The following ACP7 variants were observed in gnomAD, a reference collection of about 807,000 sequenced individuals.
The protein encoded by ACP7 is acid phosphatase type 7.
ACP7 carries 58 observed loss-of-function variants against 60.6 expected under a neutral mutation model. The ratio of observed to expected loss-of-function variants is 0.96; its 90% CI spans 0.77 to 1.19. ACP7 has a LOEUF of 1.19. Among genes scored for constraint, ACP7 ranks in the 50% most tolerant of loss-of-function variants. The pLI is 0.00. For missense variants in ACP7, 574 were observed against 596.2 expected (o/e 0.96, Z 0.39); for synonymous variants, 237 against 232.6 (o/e 1.02, Z -0.17).
intron 4 of ACP7, 126 bp downstream of exon 4, chr19:39,099,268 G>A: frequency 8.9e-7 from 1 of 1,120,304 alleles, no homozygotes; most frequent in Non-Finnish European, 1.2e-6. Flanking sequence ...CAGGGCTGGG[G>A]CCAGTGTGTC....
intron 2 of ACP7, among the ~76,000 whole-genome samples, chr19:39,087,644 T>TG (rs2073158155): frequency 6.6e-6 from 1 of 151,226 alleles, no homozygotes; most frequent in Non-Finnish European, 1.5e-5. Context: ...TTTTTTTTTT[T>TG]TTTTTTTGAG....
At position 39,110,409 on chromosome 19, in the gene ACP7, G is replaced by A. The variant is rs2073457537; in HGVS notation, c.*291G>A. ...CTGCATAGCTCTGATCGGGCGAGGT[G>A]CCCACGGGGCTTCAGGAATGAAGAG... is the stretch of plus-strand genomic sequence containing the variant. On this transcript the variant is annotated 3_prime_UTR_variant, in exon 13 of 13. Transcript: ENST00000331256. 2.7e-6 allele frequency: 1 copy of A among 367,612 alleles called. No homozygotes were observed. Among genetic ancestry groups the A allele is most frequent in the Non-Finnish European group, 5.0e-6 (1 of 201,750 alleles). 22.8% of individuals were successfully genotyped at this position (367,612 alleles called of 1,614,324 possible). A position where few individuals can be genotyped will look rare whatever the true frequency, so the allele number is the denominator to read the frequency against.
In ACP7 at chr19:39,085,319, T is replaced by C. The variant is rs770202422; in HGVS notation, c.50T>C (p.Phe17Ser). The change falls in exon 2 of 13, where the codon TTC (phenylalanine) becomes TCC (serine). Residue 17 changes from phenylalanine to serine, a missense_variant. Coordinates refer to ENST00000331256, the MANE Select transcript of ACP7 (RefSeq NM_001004318.3). ...YWSCYCLLLL[F>S]SLGVQGSLGA... The stretch of plus-strand genomic sequence containing the variant: ...TCCTGTTACTGTCTACTCCTGCTAT[T>C]CTCCTTGGGAGTCCAGGGGTCCCTG... The C allele has an allele frequency of 1.9e-6, 3 of 1,613,730 alleles. No individual in the cohort carries two copies. The highest frequency in any genetic ancestry group is 2.5e-6 in the Non-Finnish European group (3 of 1,179,822).
rs371572855 is a variant in ACP7, at chr19:39,085,437, C to A, written c.121+47C>A. 5 of 1,552,302 alleles carry A rather than the reference C, an allele frequency of 3.2e-6. No homozygotes were observed. In the African/African-American group the frequency reaches 6.9e-5, roughly 21 times the overall value. On this transcript the variant is annotated intron_variant, in intron 2 of 12. Transcript: ENST00000331256. ...CTATGCCTCTACCAGAGAGGCCCAG[C>A]GGTGCTTCGTTGTTTGAGGGCTCAG...
chr19:39,102,276 A>G (rs2073356075), intron 11 of ACP7, among the ~76,000 whole-genome samples: 1 of 152,002 alleles, frequency 6.6e-6, no homozygotes, highest in Non-Finnish European at 1.5e-5. Context: ...TTATGATCGC[A>G]CCAATGCACT....
rs1373808835 is a variant in ACP7, at chr19:39,102,727, C to CTTTCTTTCTTTCTT, written c.1113+1192_1113+1205dup. 3.3e-3 allele frequency among the ~76,000 whole-genome samples: 247 copies of CTTTCTTTCTTTCTT among 75,316 alleles called. 1 individual carries two copies. Among genetic ancestry groups the CTTTCTTTCTTTCTT allele is most frequent in the Admixed American group, 6.2e-3 (43 of 6,956 alleles). 49.4% of individuals were successfully genotyped at this position (75,316 alleles called of 152,430 possible). A position where few individuals can be genotyped will look rare whatever the true frequency, so the allele number is the denominator to read the frequency against. ...TTCCAATGAAGACTTTTCTTTCTTT[C>CTTTCTTTCTTTCTT]TTTCTTTCTTTCTTTCTTTCTTTCT... is the stretch of plus-strand genomic sequence containing the variant. On this transcript the variant is annotated intron_variant, in intron 11 of 12. Transcript: ENST00000331256.
intron 12 of ACP7, 85 bp downstream of exon 12, chr19:39,107,169 G>C: frequency 7.3e-7 from 1 of 1,363,734 alleles, no homozygotes; most frequent in Non-Finnish European, 9.6e-7. Context: ...GGGCTCGGCC[G>C]GGCGCAGTGG....
At chr19:39,091,485 T>C (rs536152159) in intron 2 of ACP7, among the ~76,000 whole-genome samples, 44 of 152,282 alleles carry the variant, frequency 2.9e-4, no homozygotes, top group African/African-American at 1.1e-3. Context: ...TATTGGAGTA[T>C]TTAGAAACTA....
rs766752391 is a variant in ACP7, at chr19:39,100,654, G to T, written c.692+12G>T. ...GGCCTGTGGTACAGGTAATGTGGGG[G>T]TGCTGGGGGACTGGCCCTCTCCCCT... On this transcript the variant is annotated intron_variant, in intron 6 of 12. Transcript: ENST00000331256. The T allele has an allele frequency of 7.4e-6, 12 of 1,613,702 alleles. No homozygotes were observed. The highest frequency in any genetic ancestry group is 1.7e-5 in the Admixed American group (1 of 59,976).
chr19:39,098,949 C>T lies in ACP7; in HGVS notation c.323-11C>T. The T allele has an allele frequency of 6.2e-7, 1 of 1,607,360 alleles. No individual in the cohort carries two copies. Among genetic ancestry groups the T allele is most frequent in the Non-Finnish European group, 8.5e-7 (1 of 1,177,672 alleles). The stretch of plus-strand genomic sequence containing the variant: ...CCCCAGCTGACTGCGACCTTTTCCT[C>T]TCCCATTCAGTTTATCGCTGTGGCA... On this transcript the variant is annotated splice_polypyrimidine_tract_variant and intron_variant, in intron 3 of 12. Coordinates refer to ENST00000331256, the MANE Select transcript of ACP7 (RefSeq NM_001004318.3).
At chr19:39,109,062 T>G (rs746780722) in intron 12 of ACP7, among the ~76,000 whole-genome samples, 2 of 152,108 alleles carry the variant, frequency 1.3e-5, no homozygotes, top group Non-Finnish European at 2.9e-5. Context: ...CCTCAGGTGA[T>G]CCACCCACCT....
In ACP7 at chr19:39,099,098, G is replaced by A. The variant is rs769422402; in HGVS notation, c.461G>A (p.Arg154His). Residue 154 changes from arginine to histidine, a missense_variant, in exon 4 of 13, where the codon CGC becomes CAC. By Grantham distance (29) the Arg-to-His change is conservative. Coordinates refer to ENST00000331256, the MANE Select transcript of ACP7 (RefSeq NM_001004318.3). ...ADNPKAVPRL[R>H]RDTQQGMYDA... ...AACCCGAAGGCCGTCCCCCGGCTGC[G>A]CAGGGACACCCAGCAGGGCATGTAT... is the stretch of plus-strand genomic sequence containing the variant. The A allele has an allele frequency of 2.1e-5, 34 of 1,598,730 alleles. No homozygotes were observed. In the South Asian group the frequency reaches 3.5e-4, roughly 16 times the overall value.
intron 4 of ACP7, 110 bp downstream of exon 4, chr19:39,099,252 A>AG: frequency 8.1e-7 from 1 of 1,231,674 alleles, no homozygotes; most frequent in Non-Finnish European, 1.1e-6. Flanking sequence ...AGGACCGTGG[A>AG]GGGGACAGGG....
chr19:39,101,717 A>G (rs2073348231), intron 11 of ACP7, among the ~76,000 whole-genome samples, 180 bp downstream of exon 11: 1 of 152,152 alleles, frequency 6.6e-6, no homozygotes, highest in African/African-American at 2.4e-5. Context: ...AGGCACAGAC[A>G]GGAAAATACT....
intron 2 of ACP7, among the ~76,000 whole-genome samples, chr19:39,090,798 T>G (rs1359265565): frequency 6.6e-6 from 1 of 151,508 alleles, no homozygotes; most frequent in East Asian, 1.9e-4. Flanking sequence ...TTCTTTTTTT[T>G]TTTTTTTTTG....
chr19:39,099,696 A>G (rs1427037732), intron 4 of ACP7, among the ~76,000 whole-genome samples: 1 of 152,048 alleles, frequency 6.6e-6, no homozygotes, highest in Non-Finnish European at 1.5e-5. Context: ...AATAATAATA[A>G]TAATACTCAT....
rs765034834 is a variant in ACP7, at chr19:39,085,360, G to C, written c.91G>C (p.Ala31Pro). Residue 31 changes from alanine (A) to proline (P), a missense_variant, in exon 2 of 13, where the codon GCC becomes CCC. By Grantham distance (27) the Ala-to-Pro change is conservative. Coordinates refer to ENST00000331256, the MANE Select transcript of ACP7 (RefSeq NM_001004318.3). The part of the protein sequence containing the change: ...VQGSLGAPSA[A>P]PEQVHLSYPG... ...GGGGTCCCTGGGGGCTCCCAGCGCT[G>C]CCCCAGAGCAAGTCCATCTGTCTTA... 1.2e-6 allele frequency: 2 copies of C among 1,613,078 alleles called. No homozygotes were observed. Among genetic ancestry groups the C allele is most frequent in the East Asian group, 4.5e-5 (2 of 44,850 alleles).
chr19:39,088,320 G>A (rs2073167093), intron 2 of ACP7, among the ~76,000 whole-genome samples: 1 of 152,204 alleles, frequency 6.6e-6, no homozygotes, highest in Admixed American at 6.6e-5. Context: ...ACCATGCCCA[G>A]CAGAGAGAGG....
chr19:39,100,367 G>A lies in ACP7; in HGVS notation c.629+17G>A, dbSNP rs756441950. 9.3e-6 allele frequency: 15 copies of A among 1,613,202 alleles called. No individual in the cohort carries two copies. In the Admixed American group the frequency reaches 2.0e-4, roughly 22 times the overall value. On this transcript the variant is annotated intron_variant, in intron 5 of 12. Transcript: ENST00000331256. ...AGAACGCTAGTGAGGACTGAGGGTG[G>A]TGGCGGTGGGCGAGGGCTGGATCAA... is the stretch of plus-strand genomic sequence containing the variant.
Sources: allele counts gnomAD v4.1 joint callset (sites outside exome capture counted in the v4.1 genomes callset), GRCh38; gene constraint gnomAD v4.1.1; transcripts MANE v1.5; gene names NCBI Gene and HGNC (gene_info 2026-07-23, HGNC 2026-07-21).